MTMR11: variants seen among roughly 807,000 people sequenced by gnomAD.
The protein encoded by MTMR11 is myotubularin related protein 11.
A neutral mutation model predicts 100.0 loss-of-function variants in MTMR11; 89 were observed. The ratio of observed to expected loss-of-function variants is 0.89; its 90% CI spans 0.75 to 1.06. The LOEUF (loss-of-function observed/expected upper bound fraction) is 1.06, where lower values mean the gene tolerates loss of function less well. Among genes scored for constraint, MTMR11 ranks in the 50% least tolerant of loss-of-function variants. The probability of loss-of-function intolerance (pLI) is 0.00; values close to 1 mark genes in which losing one functional copy is unlikely to be tolerated. For synonymous variants in MTMR11, 336 were observed against 326.3 expected, an observed-to-expected ratio of 1.03 and a Z score of -0.32; for missense variants, 809 against 873.7, an observed-to-expected ratio of 0.93 and a Z score of 0.93.
intron 16 of MTMR11, 38 bp downstream of exon 16, chr1:149,929,585 G>A (rs782219043): frequency 3.2e-6 from 5 of 1,575,916 alleles, no homozygotes; most frequent in Non-Finnish European, 4.3e-6. Context: ...GCAGAGTCAA[G>A]TCCCTTGTCC....
chr1:149,932,319 C>T lies in MTMR11; in HGVS notation c.997G>A (p.Ala333Thr). The T allele has an allele frequency of 1.9e-6, 3 of 1,613,612 alleles. No individual in the cohort carries two copies. Residue 333 changes from alanine (A) to threonine (T), a missense_variant, in exon 11 of 17, where the codon GCT (alanine) becomes ACT (threonine). Physicochemically the swap from Ala to Thr is moderately conservative, Grantham distance 58. Transcript: ENST00000439741. ...AGGGCTGAAAGCCATTTATCCTCAG[C>T]TACAGATGAATCTGATAGAGGGTAG... ...RALCLPDSSV[A>T]EDKWLSALEG...
At chr1:149,936,529 C>T (rs2092724640) in intron 1 of MTMR11, 53 bp downstream of exon 1, 1 of 1,358,640 alleles carries the variant, frequency 7.4e-7, no homozygotes, top group Non-Finnish European at 1.0e-6. Flanking sequence ...TTATCTCCAC[C>T]TCATCCCCGT....
chr1:149,933,786 T>C, intron 8 of MTMR11, 69 bp downstream of exon 8: 2 of 1,606,924 alleles, frequency 1.2e-6, no homozygotes, highest in Non-Finnish European at 1.7e-6. Flanking sequence ...CAGAGGTTCC[T>C]CCCTCCACGA....
chr1:149,936,443 G>A lies in MTMR11; in HGVS notation c.66+139C>T, dbSNP rs148806170. 84 of 1,382,612 alleles carry A rather than the reference G, an allele frequency of 6.1e-5. No homozygotes were observed. The East Asian group carries it at 2.0e-3, about 33-fold the overall frequency. The allele number at this position is 1,382,612 out of a possible 1,614,324, so 85.6% of individuals were successfully genotyped here. On this transcript the variant is annotated intron_variant, in intron 1 of 16. Transcript: ENST00000439741. ...AACGAACTTGAGACTGAGAAAGACG[G>A]ACCAGGCTCCATCAGCAGAAGCTGA...
intron 15 of MTMR11, 84 bp from the exon 16 acceptor site, chr1:149,930,000 C>A: frequency 7.4e-7 from 1 of 1,342,852 alleles, no homozygotes; most frequent in Non-Finnish European, 1.0e-6. Context: ...GGGTGTCCTG[C>A]TGCCACCCAC....
chr1:149,935,670 T>G lies in MTMR11; in HGVS notation c.178A>C (p.Lys60Gln). 2 of 1,613,442 alleles carry G rather than the reference T, an allele frequency of 1.2e-6. No homozygotes were observed. The highest frequency in any genetic ancestry group is 1.7e-6 in the Non-Finnish European group (2 of 1,179,704). Residue 60 changes from lysine to glutamine, a missense_variant, in exon 3 of 17, where the codon AAG (lysine) becomes CAG (glutamine). Coordinates refer to ENST00000439741, the MANE Select transcript of MTMR11 (RefSeq NM_001145862.2). ...CCAGACAATTCTGGTTCCAGGCCCT[T>G]CCTCACCCCTGGGGCCCATGCTAGG... ...QILAWAPGVR[K>Q]GLEPELSGTL...
At position 149,934,205 on chromosome 1, in the gene MTMR11, G is replaced by A. The variant is rs781940783; in HGVS notation, c.669C>T (p.Phe223=). ...GWRVSTVNER[F]DVATSLPRYF... Reference sequence around the variant, plus strand: ...TGGGGGATCACCTGGTGGCTACGTCGAACCTCTCGTTGACCGTGCTGACCC... The same window carrying A: ...TGGGGGATCACCTGGTGGCTACGTCAAACCTCTCGTTGACCGTGCTGACCC... The change falls in exon 7 of 17, where the codon TTC becomes TTT. Residue 223 remains phenylalanine, a synonymous_variant. Coordinates refer to ENST00000439741, the MANE Select transcript of MTMR11 (RefSeq NM_001145862.2). 8.1e-6 allele frequency: 13 copies of A among 1,613,924 alleles called. No homozygotes were observed. Among genetic ancestry groups the A allele is most frequent in the Middle Eastern group, 1.7e-4 (1 of 6,010 alleles).
At position 149,934,079 on chromosome 1, in the gene MTMR11, C is replaced by T; in HGVS notation, c.683+112G>A. On this transcript the variant is annotated intron_variant, in intron 7 of 16. Coordinates refer to ENST00000439741, the MANE Select transcript of MTMR11 (RefSeq NM_001145862.2). ...GGGATCTAGGAGGCAAGGGAGATAG[C>T]TTTGTGGGTGTCCTAGGAGGCTGGA... 3 of 1,566,882 alleles carry T rather than the reference C, an allele frequency of 1.9e-6. No individual in the cohort carries two copies. In the South Asian group the frequency reaches 3.4e-5, roughly 18 times the overall value.
At position 149,933,299 on chromosome 1, in the gene MTMR11, C is replaced by T. The variant is rs929542786; in HGVS notation, c.985+107G>A. ...AAAAGAAAAGAAAAGAAAACGGGCTCATTGGACTAAAGAGCTACTCATCTA... is the reference window on the plus strand; with the variant it reads ...AAAAGAAAAGAAAAGAAAACGGGCTTATTGGACTAAAGAGCTACTCATCTA... On this transcript the variant is annotated intron_variant, in intron 10 of 16. Transcript: ENST00000439741. 7.0e-6 allele frequency: 10 copies of T among 1,421,054 alleles called. No homozygotes were observed. The African/African-American group carries it at 1.3e-4, about 18-fold the overall frequency. 88.0% of individuals were successfully genotyped at this position (1,421,054 alleles called of 1,614,324 possible).
In MTMR11 at chr1:149,930,951, G is replaced by A; in HGVS notation, c.1305C>T (p.Leu435=). ...GCTGCCAGACACAATCAAGGAAGAG[G>A]AGAAACACCGGAGCCTGAAAAGAAA... ...TGASEEAPVF[L]LFLDCVWQLL... is the part of the protein sequence containing the mutation. The change falls in exon 14 of 17, where the codon CTC becomes CTT. Residue 435 remains leucine (L), a synonymous_variant. Transcript: ENST00000439741. 2 of 1,602,892 alleles carry A rather than the reference G, an allele frequency of 1.2e-6. No homozygotes were observed. The highest frequency in any genetic ancestry group is 2.7e-5 in the African/African-American group (2 of 74,004).
Position 149,928,991 on chromosome 1 carries a change from C to G in MTMR11, c.*138G>C. 6.2e-7 allele frequency: 1 copy of G among 1,608,814 alleles called. No homozygotes were observed. The highest frequency in any genetic ancestry group is 1.1e-5 in the South Asian group (1 of 90,620). On this transcript the variant is annotated 3_prime_UTR_variant, in exon 17 of 17. Coordinates refer to ENST00000439741, the MANE Select transcript of MTMR11 (RefSeq NM_001145862.2). ...AAATATTTGTAGAAACTAAGCAAGA[C>G]AAGAGTTGGAGCAGTTAACACCACT...
chr1:149,934,569 TAAGTGAA>T, intron 5 of MTMR11, 43 bp from the exon 6 acceptor site: 1 of 1,587,468 alleles, frequency 6.3e-7, no homozygotes, highest in Non-Finnish European at 8.6e-7. Context: ...TTAGGCTGAG[TAAGTGAA>T]AAGAAGGAAA....
chr1:149,933,222 G>A (rs1421351533), intron 10 of MTMR11, among the ~76,000 whole-genome samples, 184 bp downstream of exon 10: 1 of 151,896 alleles, frequency 6.6e-6, no homozygotes, highest in Non-Finnish European at 1.5e-5. Flanking sequence ...TCCCATAGTG[G>A]TGGGATTACA....
At position 149,931,386 on chromosome 1, in the gene MTMR11, G is replaced by A. The variant is rs587627889; in HGVS notation, c.1164C>T (p.Leu388=). The A allele has an allele frequency of 9.9e-6, 16 of 1,612,712 alleles. No individual in the cohort carries two copies. The highest frequency in any genetic ancestry group is 1.7e-4 in the Middle Eastern group (1 of 6,060). The change falls in exon 13 of 17, where the codon CTC becomes CTT. Residue 388 remains leucine, a synonymous_variant. Transcript: ENST00000439741. Reference sequence around the variant, plus strand: ...CTTCGGGGGCTGAAAGCAGCTGGACGAGTGAAGAGAGGAGGCCATTGAGAT... The same window carrying A: ...CTTCGGGGGCTGAAAGCAGCTGGACAAGTGAAGAGAGGAGGCCATTGAGAT... ...DRDLNGLLSS[L]VQLLSAPEAR...
At chr1:149,935,739 G>A (rs1553769044) in intron 2 of MTMR11, 34 bp from the exon 3 acceptor site, 13 of 1,544,852 alleles carry the variant, frequency 8.4e-6, no homozygotes, top group African/African-American at 1.4e-5. Flanking sequence ...TGTTATGACT[G>A]TTCCCAGTGT....
Position 149,929,856 on chromosome 1 carries a change from T to C in MTMR11, c.1708A>G (p.Thr570Ala), listed in dbSNP as rs782164753. Reference protein sequence around the residue: ...SVWLFSRGALTPLNQLCPWRD... With the variant: ...SVWLFSRGALAPLNQLCPWRD... ...CAAGGACAGAGCTGATTCAGGGGGG[T>C]CAATGCTCCTCTAGAGAAGAGCCAC... Residue 570 changes from threonine (T) to alanine (A), a missense_variant, in exon 16 of 17, where the codon ACC becomes GCC. Coordinates refer to ENST00000439741, the MANE Select transcript of MTMR11 (RefSeq NM_001145862.2). The C allele has an allele frequency of 1.9e-6, 3 of 1,612,940 alleles. No homozygotes were observed. The highest frequency in any genetic ancestry group is 1.1e-5 in the South Asian group (1 of 91,024).
Position 149,933,599 on chromosome 1 carries a change from G to C in MTMR11, c.860+11C>G. On this transcript the variant is annotated intron_variant, in intron 9 of 16. Coordinates refer to ENST00000439741, the MANE Select transcript of MTMR11 (RefSeq NM_001145862.2). ...CCTAACCCTTGATTCTTCTCATCAAGCCTCCCTCACCTGATATCCTCCTTG... is the reference window on the plus strand; with the variant it reads ...CCTAACCCTTGATTCTTCTCATCAACCCTCCCTCACCTGATATCCTCCTTG... 6.2e-7 allele frequency: 1 copy of C among 1,614,108 alleles called. No homozygotes were observed.
intron 10 of MTMR11, 142 bp downstream of exon 10, chr1:149,933,264 G>A (rs587657879): frequency 8.9e-5 from 112 of 1,253,232 alleles, no homozygotes; most frequent in African/African-American, 6.3e-4. Flanking sequence ...CCGAGACTCC[G>A]TCTCAAGAAA....
At position 149,930,383 on chromosome 1, in the gene MTMR11, G is replaced by A. The variant is rs782530580; in HGVS notation, c.1629C>T (p.Ser543=). 1 of 1,613,628 alleles carries A rather than the reference G, an allele frequency of 6.2e-7. No homozygotes were observed. Among genetic ancestry groups the A allele is most frequent in the Admixed American group, 1.7e-5 (1 of 59,976 alleles). ...ACTTCACCTGTGGTCTAGGGAGCCA[G>A]GAATCTGGACAGTGTTCTGGGTCAT... The part of the protein sequence containing the change: ...PGYDPEHCPD[S]WLPRPQPSFM... The change falls in exon 15 of 17, where the codon TCC becomes TCT. Residue 543 remains serine (S), a synonymous_variant. Coordinates refer to ENST00000439741, the MANE Select transcript of MTMR11 (RefSeq NM_001145862.2).
Sources: gnomAD v4.1 joint callset for allele counts (sites outside exome capture counted in the v4.1 genomes callset) on GRCh38, gnomAD v4.1.1 for gene constraint, MANE v1.5 for transcripts, NCBI Gene and HGNC (gene_info 2026-07-23, HGNC 2026-07-21) for gene names.